Variants in GKAP1 observed in about 807,000 individuals in gnomAD.
GKAP1 encodes G kinase-anchoring protein 1.
In GKAP1, 31 loss-of-function variants were observed where a neutral mutation model predicts 56.7. The ratio of observed to expected loss-of-function variants is 0.55; its 90% CI spans 0.41 to 0.74. The LOEUF is 0.74. Among genes scored for constraint, GKAP1 ranks in the 30% least tolerant of loss-of-function variants. The pLI, the probability that GKAP1 is intolerant of heterozygous loss-of-function variation, is 0.00. For missense variants in GKAP1, 364 were observed against 402.3 expected, an observed-to-expected ratio of 0.90 and a Z score of 0.82; for synonymous variants, 151 against 138.6, an observed-to-expected ratio of 1.09 and a Z score of -0.63.
intron 3 of GKAP1, among the ~76,000 whole-genome samples, chr9:83,803,390 T>C (rs184542560): frequency 1.4e-4 from 21 of 152,210 alleles, no homozygotes; most frequent in African/African-American, 3.6e-4. Context: ...GTGCCTGCGA[T>C]TGCAGGCGTG....
At chr9:83,742,781 T>C (rs1274437189) in intron 10 of GKAP1, among the ~76,000 whole-genome samples, 181 bp from the exon 11 acceptor site, 1 of 152,230 alleles carries the variant, frequency 6.6e-6, no homozygotes, top group Non-Finnish European at 1.5e-5. Flanking sequence ...TTTTGTTTGT[T>C]TGTTTTACAT....
chr9:83,785,155 C>A (rs1015943685), intron 5 of GKAP1, among the ~76,000 whole-genome samples: 30 of 152,104 alleles, frequency 2.0e-4, no homozygotes, highest in African/African-American at 6.8e-4. Context: ...TGAAATCTGG[C>A]TTCTGCTGGT....
rs1346225552 is a variant in GKAP1 at position 83,799,215 on chromosome 9, A to G, written c.330T>C (p.Asn110=). ...CATCTCTTTGTCTCCACTCTTGCCA[A>G]TTTTCTTCTCGTGAATCCTTCTGTA... ...NPVQKDSREE[N]WQEWRQRDEQ... Residue 110 remains asparagine (N), a synonymous_variant, in exon 4 of 13, where the codon AAT becomes AAC. Coordinates refer to ENST00000376371, the MANE Select transcript of GKAP1 (RefSeq NM_025211.4). The G allele has an allele frequency of 6.2e-7, 1 of 1,613,464 alleles. No individual in the cohort carries two copies. The highest frequency in any genetic ancestry group is 1.3e-5 in the African/African-American group (1 of 74,980).
intron 4 of GKAP1, among the ~76,000 whole-genome samples, chr9:83,792,335 T>C (rs1944173573): frequency 6.6e-6 from 1 of 152,160 alleles, no homozygotes; most frequent in Admixed American, 6.5e-5. Flanking sequence ...TCCTAAAATT[T>C]AAGGCTATAG....
At chr9:83,811,378 T>C (rs1449768288) in intron 2 of GKAP1, among the ~76,000 whole-genome samples, 2 of 152,062 alleles carry the variant, frequency 1.3e-5, no homozygotes, top group Non-Finnish European at 2.9e-5. Flanking sequence ...GGAAGGAAAA[T>C]ACCTATCTAC....
chr9:83,781,846 CTTTT>C (rs147452137), intron 6 of GKAP1, among the ~76,000 whole-genome samples: 1 of 138,022 alleles, frequency 7.2e-6, no homozygotes, highest in Non-Finnish European at 1.5e-5. Context: ...TGTATTTCTT[CTTTT>C]TTTTTTTTTT....
chr9:83,784,777 C>G lies in GKAP1; in HGVS notation c.500G>C (p.Arg167Thr). ...QSKVMNKKDK[R>T]KNHQGKDRPL... ...TCTGTCTTTTCCCTGATGATTCTTT[C>G]TTTTATCTTTTTTATTCATAACTTT... Residue 167 changes from arginine to threonine, a missense_variant, in exon 6 of 13, where the codon AGA becomes ACA. Arg to Thr is a moderately conservative substitution (Grantham distance 71). Transcript: ENST00000376371. 6.2e-7 allele frequency: 1 copy of G among 1,602,182 alleles called. No homozygotes were observed. The highest frequency in any genetic ancestry group is 8.5e-7 in the Non-Finnish European group (1 of 1,172,366).
In GKAP1 at chr9:83,764,670, A is replaced by T. The variant is rs147722150; in HGVS notation, c.738+4148T>A. Among the ~76,000 whole-genome samples, 53 of 152,230 alleles carry T rather than the reference A, an allele frequency of 3.5e-4. 1 individual carries two copies. The South Asian group carries it at 8.5e-3, about 24-fold the overall frequency. ...ACTTCCTAGAGACTTGTTGAATGAC[A>T]ATGAAGTCCAGGCTGAGGTGGTCTC... On this transcript the variant is annotated intron_variant, in intron 8 of 12. Transcript: ENST00000376371.
chr9:83,816,546 T>G (rs536895411), intron 2 of GKAP1, among the ~76,000 whole-genome samples: 65 of 152,370 alleles, frequency 4.3e-4, no homozygotes, highest in African/African-American at 1.5e-3. Context: ...AAATCTAGAC[T>G]TCTATGAAGA....
At chr9:83,783,769 A>T (rs1419553500) in intron 6 of GKAP1, among the ~76,000 whole-genome samples, 1 of 152,238 alleles carries the variant, frequency 6.6e-6, no homozygotes, top group East Asian at 1.9e-4. Context: ...AAGGAAAAAA[A>T]TATGTTTCAA....
intron 7 of GKAP1, among the ~76,000 whole-genome samples, chr9:83,774,999 G>A (rs997145097): frequency 4.5e-5 from 6 of 132,134 alleles, no homozygotes; most frequent in African/African-American, 1.6e-4. Flanking sequence ...GACCCACCGC[G>A]CCCGGCCCCT....
intron 2 of GKAP1, among the ~76,000 whole-genome samples, chr9:83,812,290 C>CGT (rs1012748664): frequency 4.2e-5 from 6 of 144,576 alleles, no homozygotes; most frequent in South Asian, 2.2e-4. Flanking sequence ...CACATATATA[C>CGT]GTATATATAT....
intron 8 of GKAP1, among the ~76,000 whole-genome samples, chr9:83,755,912 C>T (rs375681994): frequency 2.0e-5 from 3 of 147,848 alleles, no homozygotes; most frequent in Admixed American, 7.0e-5. Flanking sequence ...TCAAGTGATT[C>T]TCCTGCCTCA....
At chr9:83,742,890 C>T (rs1014839094) in intron 10 of GKAP1, among the ~76,000 whole-genome samples, 3 of 152,206 alleles carry the variant, frequency 2.0e-5, no homozygotes, top group African/African-American at 2.4e-5. Context: ...GGCATGGTGG[C>T]TCACACCTAT....
chr9:83,768,433 T>C (rs976335570), intron 8 of GKAP1, among the ~76,000 whole-genome samples: 1 of 152,228 alleles, frequency 6.6e-6, no homozygotes, highest in African/African-American at 2.4e-5. Context: ...TCTTTTTTAT[T>C]GTTCATATCC....
At chr9:83,774,640 G>A (rs1001697459) in intron 7 of GKAP1, among the ~76,000 whole-genome samples, 1 of 149,534 alleles carries the variant, frequency 6.7e-6, no homozygotes, top group Non-Finnish European at 1.5e-5. Context: ...CTGACAAACG[G>A]GACCTAGTTA....
At chr9:83,808,016 G>A (rs911848837) in intron 2 of GKAP1, among the ~76,000 whole-genome samples, 3 of 152,178 alleles carry the variant, frequency 2.0e-5, no homozygotes, top group African/African-American at 7.2e-5. Context: ...AAGAACTGAT[G>A]TCTGAAGATG....
chr9:83,775,702 C>A (rs1369306807), intron 7 of GKAP1, among the ~76,000 whole-genome samples: 1 of 151,264 alleles, frequency 6.6e-6, no homozygotes, highest in South Asian at 2.1e-4. Flanking sequence ...CCAGTGAAAC[C>A]CCGTCTCTAA....
At position 83,779,912 on chromosome 9, in the gene GKAP1, C is replaced by T. The variant is rs1943942603; in HGVS notation, c.585+470G>A. Among the ~76,000 whole-genome samples, 4 of 151,814 alleles carry T rather than the reference C, an allele frequency of 2.6e-5. No individual in the cohort carries two copies. In the South Asian group the frequency reaches 8.3e-4, roughly 32 times the overall value. On this transcript the variant is annotated intron_variant, in intron 7 of 12. Transcript: ENST00000376371. Reference sequence around the variant, plus strand: ...CCAACACCAGGAAGTGTAGGCTACACTAACAGTGAATGGTAAGAGAAGTAT... The same window carrying T: ...CCAACACCAGGAAGTGTAGGCTACATTAACAGTGAATGGTAAGAGAAGTAT...
Sources: allele counts gnomAD v4.1 joint callset (sites outside exome capture counted in the v4.1 genomes callset), GRCh38; gene constraint gnomAD v4.1.1; transcripts MANE v1.5; gene names NCBI Gene and HGNC (gene_info 2026-07-23, HGNC 2026-07-21).